PRIM2: variants seen among roughly 807,000 people sequenced by gnomAD.
PRIM2 encodes DNA primase subunit 2.
PRIM2 carries 39 observed loss-of-function variants against 67.3 expected under a neutral mutation model. The ratio of observed to expected loss-of-function variants is 0.58; its 90% CI spans 0.45 to 0.76. The LOEUF is 0.76. Among genes scored for constraint, PRIM2 ranks in the 30% least tolerant of loss-of-function variants. PRIM2 has a pLI of 0.00. For missense variants in PRIM2, 398 were observed against 598.7 expected, an observed-to-expected ratio of 0.66 and a Z score of 3.50; for synonymous variants, 143 against 198.7, an observed-to-expected ratio of 0.72 and a Z score of 2.36.
chr6:57,456,142 T>C (rs1772770509), intron 7 of PRIM2, among the ~76,000 whole-genome samples: 2 of 152,232 alleles, frequency 1.3e-5, no homozygotes, highest in Admixed American at 6.5e-5. Flanking sequence ...GTAGAGTTTC[T>C]GCCGAGAGAT....
At chr6:57,614,172 T>G (rs1156614350) in intron 12 of PRIM2, among the ~76,000 whole-genome samples, 1 of 152,148 alleles carries the variant, frequency 6.6e-6, no homozygotes. Flanking sequence ...TCATAGGAGC[T>G]CAAACCTTAT....
At chr6:57,489,452 G>A (rs1330779447) in intron 7 of PRIM2, among the ~76,000 whole-genome samples, 6 of 152,294 alleles carry the variant, frequency 3.9e-5, no homozygotes, top group East Asian at 1.9e-4. Flanking sequence ...AGCTACTCAG[G>A]AGGCTGAGGC....
chr6:57,346,911 A>G (rs1768694585), intron 5 of PRIM2, among the ~76,000 whole-genome samples: 1 of 152,138 alleles, frequency 6.6e-6, no homozygotes, highest in African/African-American at 2.4e-5. Flanking sequence ...AGGCCCTGTG[A>G]ATATATCCAT....
intron 8 of PRIM2, among the ~76,000 whole-genome samples, chr6:57,517,222 T>A (rs1470700635): frequency 6.6e-6 from 1 of 152,214 alleles, no homozygotes; most frequent in Non-Finnish European, 1.5e-5. Context: ...CATTGATCGC[T>A]CTCTGGTTAA....
chr6:57,284,819 G>A, the PRIM2 span, among the ~76,000 whole-genome samples: 3 of 151,884 alleles, frequency 2.0e-5, no homozygotes, highest in Admixed American at 1.3e-4. Context: ...TACATGTAAA[G>A]ATATTCATTG....
At chr6:57,470,529 A>G (rs1773314360) in intron 7 of PRIM2, among the ~76,000 whole-genome samples, 1 of 147,366 alleles carries the variant, frequency 6.8e-6, no homozygotes, top group South Asian at 2.2e-4. Flanking sequence ...GCTTAAGACT[A>G]GAGCATTGCT....
intron 10 of PRIM2, among the ~76,000 whole-genome samples, chr6:57,551,460 AT>A (rs1279706649): frequency 1.0e-3 from 152 of 152,348 alleles, no homozygotes; most frequent in Non-Finnish European, 1.9e-3. Context: ...GATGATATTG[AT>A]TAGGCACCCT....
chr6:57,240,813 G>A, the PRIM2 span, among the ~76,000 whole-genome samples: 62 of 152,148 alleles, frequency 4.1e-4, no homozygotes, highest in South Asian at 4.2e-3. Flanking sequence ...ATTAAGCTGC[G>A]CACAGTGGCT....
chr6:57,478,067 G>A (rs1385715780), intron 7 of PRIM2, among the ~76,000 whole-genome samples: 1 of 152,132 alleles, frequency 6.6e-6, no homozygotes, highest in Non-Finnish European at 1.5e-5. Context: ...ATACTATGAG[G>A]TGTAGAGATT....
intron 5 of PRIM2, among the ~76,000 whole-genome samples, chr6:57,370,241 T>C (rs1028672274): frequency 6.6e-6 from 1 of 152,192 alleles, no homozygotes; most frequent in African/African-American, 2.4e-5. Flanking sequence ...AATGAGTATT[T>C]TTTTTAGGTA....
intron 5 of PRIM2, among the ~76,000 whole-genome samples, chr6:57,375,158 A>T (rs1159930947): frequency 6.6e-6 from 1 of 152,114 alleles, no homozygotes; most frequent in Admixed American, 6.5e-5. Context: ...TTTCAGGGGG[A>T]ATGTTTCCAG....
At chr6:57,497,896 A>C (rs1259216288) in intron 7 of PRIM2, among the ~76,000 whole-genome samples, 1 of 152,136 alleles carries the variant, frequency 6.6e-6, no homozygotes, top group Non-Finnish European at 1.5e-5. Context: ...CTAGAGAACA[A>C]ATTTGGTTCC....
At position 57,458,762 on chromosome 6, in the gene PRIM2, G is replaced by GC. The variant is rs1358966055; in HGVS notation, c.694-48619dup. Among the ~76,000 whole-genome samples, 3 of 152,138 alleles carry GC rather than the reference G, an allele frequency of 2.0e-5. No individual in the cohort carries two copies. In the East Asian group the frequency reaches 5.8e-4, roughly 29 times the overall value. On this transcript the variant is annotated intron_variant, in intron 7 of 13. Coordinates refer to ENST00000615550, the MANE Select transcript of PRIM2 (RefSeq NM_000947.5). ...AAAACACTAGTGACTCTTACAGTTAGCCCCCCTAGCTACTAGGCATTCACT... is the reference window on the plus strand; with the variant it reads ...AAAACACTAGTGACTCTTACAGTTAGCCCCCCCTAGCTACTAGGCATTCACT...
At chr6:57,558,517 A>C (rs1775562679) in intron 10 of PRIM2, among the ~76,000 whole-genome samples, 1 of 152,112 alleles carries the variant, frequency 6.6e-6, no homozygotes, top group Admixed American at 6.6e-5. Flanking sequence ...AAACACATAG[A>C]ACCATTACTC....
chr6:57,312,004 G>T (rs558198200), upstream of PRIM2, among the ~76,000 whole-genome samples: 8 of 130,288 alleles, frequency 6.1e-5, no homozygotes, highest in Admixed American at 8.1e-5. Flanking sequence ...AAGGGAGACC[G>T]TAGAAAGGGG....
intron 7 of PRIM2, among the ~76,000 whole-genome samples, chr6:57,438,933 T>G (rs1772103548): frequency 6.6e-6 from 1 of 152,004 alleles, no homozygotes; most frequent in Non-Finnish European, 1.5e-5. Flanking sequence ...GGTCTGGAAC[T>G]CCTACCCTCA....
intron 7 of PRIM2, among the ~76,000 whole-genome samples, chr6:57,504,940 T>TA (rs1206449798): frequency 4.6e-5 from 7 of 152,224 alleles, no homozygotes; most frequent in African/African-American, 1.2e-4. Flanking sequence ...TTAATGAAAT[T>TA]ACATACTTGC....
At chr6:57,590,814 C>T (rs1310195992) in intron 10 of PRIM2, among the ~76,000 whole-genome samples, 6 of 152,142 alleles carry the variant, frequency 3.9e-5, no homozygotes, top group East Asian at 3.8e-4. Context: ...GTGTGCAGGA[C>T]GCTATACCAA....
At chr6:57,271,700 G>C in the PRIM2 span, among the ~76,000 whole-genome samples, 1 of 152,090 alleles carries the variant, frequency 6.6e-6, no homozygotes, top group Admixed American at 6.6e-5. Flanking sequence ...TGCTTCTCTA[G>C]TTCTTTTAAT....
Sources: allele counts gnomAD v4.1 joint callset (sites outside exome capture counted in the v4.1 genomes callset), GRCh38; gene constraint gnomAD v4.1.1; transcripts MANE v1.5; gene names NCBI Gene and HGNC (gene_info 2026-07-23, HGNC 2026-07-21).